Variants in WIF1 observed in about 807,000 individuals in gnomAD.
WIF1 encodes the protein Wnt inhibitory factor 1.
In WIF1, 35 loss-of-function variants were observed where a neutral mutation model predicts 53.5. That is an observed-to-expected ratio of 0.65 (90% CI 0.50 to 0.87). The LOEUF (loss-of-function observed/expected upper bound fraction) is 0.87, where lower values mean the gene tolerates loss of function less well. Among genes scored for constraint, WIF1 ranks in the 40% least tolerant of loss-of-function variants. The pLI is 0.00. For missense variants in WIF1, 467 were observed against 476.8 expected, an observed-to-expected ratio of 0.98 and a Z score of 0.19; for synonymous variants, 171 against 170.4, an observed-to-expected ratio of 1.00 and a Z score of -0.03.
Position 65,051,170 on chromosome 12 carries a change from A to C in WIF1, c.*179T>G. 2.9e-6 allele frequency: 2 copies of C among 691,560 alleles called. No homozygotes were observed. The highest frequency in any genetic ancestry group is 4.3e-6 in the Non-Finnish European group (2 of 461,654). 42.8% of individuals were successfully genotyped at this position (691,560 alleles called of 1,614,324 possible). On this transcript the variant is annotated 3_prime_UTR_variant, in exon 10 of 10. Coordinates refer to ENST00000286574, the MANE Select transcript of WIF1 (RefSeq NM_007191.5). ...AAGAAAATCTATACCATCATGCTAC[A>C]GACGTACTTAGAAAACTTAAAAGGA... is the stretch of plus-strand genomic sequence containing the variant.
intron 7 of WIF1, 77 bp downstream of exon 7, chr12:65,062,404 C>T (rs1055317224): frequency 6.3e-6 from 8 of 1,270,480 alleles, no homozygotes; most frequent in African/African-American, 1.5e-5. Context: ...TCCGACTCCT[C>T]CTTGATAAAA....
chr12:65,065,368 G>T (rs1044489507), intron 6 of WIF1, among the ~76,000 whole-genome samples: 19 of 152,042 alleles, frequency 1.2e-4, no homozygotes, highest in African/African-American at 4.6e-4. Context: ...TACAGTGCAG[G>T]ATATGAATTT....
intron 2 of WIF1, among the ~76,000 whole-genome samples, chr12:65,088,661 T>A (rs1047762114): frequency 6.6e-6 from 1 of 152,120 alleles, no homozygotes; most frequent in East Asian, 1.9e-4. Flanking sequence ...TTCTATGAAA[T>A]TTTTTAATGA....
At chr12:65,054,073 C>CTTTTTTTT (rs5798769) in intron 9 of WIF1, 5 of 96,688 alleles carry the variant, frequency 5.2e-5, no homozygotes, top group Admixed American at 1.3e-4. Context: ...TGTGAATTTG[C>CTTTTTTTT]TTTTTTTTTT....
chr12:65,083,779 TCCC>T (rs1351748986), intron 2 of WIF1: 1 of 309,900 alleles, frequency 3.2e-6, no homozygotes, highest in Non-Finnish European at 5.7e-6. Context: ...CTTTTCCCTT[TCCC>T]TTTCCTTTCC....
At chr12:65,081,286 G>A (rs965671720) in intron 2 of WIF1, among the ~76,000 whole-genome samples, 1 of 152,088 alleles carries the variant, frequency 6.6e-6, no homozygotes, top group South Asian at 2.1e-4. Context: ...ATGTCTCCTT[G>A]AAAGTGCAGC....
intron 2 of WIF1, among the ~76,000 whole-genome samples, chr12:65,116,497 T>C (rs1883512538): frequency 6.6e-6 from 1 of 151,944 alleles, no homozygotes; most frequent in African/African-American, 2.4e-5. Flanking sequence ...GAAAACAACC[T>C]CAGGGCTCCC....
intron 2 of WIF1, among the ~76,000 whole-genome samples, chr12:65,117,182 T>G (rs1883525580): frequency 6.6e-6 from 1 of 152,144 alleles, no homozygotes; most frequent in African/African-American, 2.4e-5. Flanking sequence ...GGACCTAAAT[T>G]TTTATTTATA....
rs973589148 is a variant in WIF1 at position 65,112,560 on chromosome 12, G to A, written c.288+7857C>T. Reference sequence around the variant, plus strand: ...GTTGCCGACCCAACACATACTCAACGATTTACTCAATACAAATTTGCAACA... The same window carrying A: ...GTTGCCGACCCAACACATACTCAACAATTTACTCAATACAAATTTGCAACA... On this transcript the variant is annotated intron_variant, in intron 2 of 9. Transcript: ENST00000286574. Among the ~76,000 whole-genome samples the A allele has an allele frequency of 2.0e-5, 3 of 151,936 alleles. No individual in the cohort carries two copies. In the East Asian group the frequency reaches 5.8e-4, roughly 29 times the overall value.
rs1027169162 is a variant in WIF1 at position 65,120,271 on chromosome 12, G to C, written c.288+146C>G. ...TTGATATGGCAACTTGAAATAAATG[G>C]AAATTAATTCTTTATTTGCTTTGGC... is the stretch of plus-strand genomic sequence containing the variant. On this transcript the variant is annotated intron_variant, in intron 2 of 9. Coordinates refer to ENST00000286574, the MANE Select transcript of WIF1 (RefSeq NM_007191.5). 81 of 855,332 alleles carry C rather than the reference G, an allele frequency of 9.5e-5. 1 individual carries two copies. Among genetic ancestry groups the C allele is most frequent in the Non-Finnish European group, 1.2e-4 (70 of 602,338 alleles). The allele number at this position is 855,332 out of a possible 1,614,324, so 53.0% of individuals were successfully genotyped here.
At chr12:65,065,888 G>A (rs750474507) in intron 6 of WIF1, among the ~76,000 whole-genome samples, 3 of 152,132 alleles carry the variant, frequency 2.0e-5, no homozygotes, top group Non-Finnish European at 4.4e-5. Context: ...CACTTACTAA[G>A]AGTAAAATCT....
chr12:65,051,461 G>A lies in WIF1; in HGVS notation c.1028C>T (p.Ala343Val). ...HGRHCNKRYEASLIHALRPAG... is the reference protein window; with the variant it reads ...HGRHCNKRYEVSLIHALRPAG... ...TGGCCTCAGGGCATGTATGAGGCTGGCTTCGTACCCTGCAAAATTATTCAC... is the reference window on the plus strand; with the variant it reads ...TGGCCTCAGGGCATGTATGAGGCTGACTTCGTACCCTGCAAAATTATTCAC... The change falls in exon 10 of 10, where the codon GCC becomes GTC. Residue 343 changes from alanine to valine, a missense_variant. Ala to Val is a moderately conservative substitution (Grantham distance 64). Coordinates refer to ENST00000286574, the MANE Select transcript of WIF1 (RefSeq NM_007191.5). 6.3e-7 allele frequency: 1 copy of A among 1,596,454 alleles called. No individual in the cohort carries two copies. Among genetic ancestry groups the A allele is most frequent in the Non-Finnish European group, 8.5e-7 (1 of 1,172,644 alleles).
At chr12:65,076,070 C>A (rs767518312) in intron 3 of WIF1, among the ~76,000 whole-genome samples, 5 of 151,756 alleles carry the variant, frequency 3.3e-5, no homozygotes, top group African/African-American at 4.8e-5. Context: ...TTCTTTTTTG[C>A]TCTGTTGCCC....
intron 2 of WIF1, among the ~76,000 whole-genome samples, chr12:65,098,581 C>T (rs754650946): frequency 3.3e-5 from 5 of 152,148 alleles, no homozygotes; most frequent in African/African-American, 4.8e-5. Context: ...AAATGGATCA[C>T]GGCCAGAACT....
intron 8 of WIF1, among the ~76,000 whole-genome samples, chr12:65,055,423 A>T (rs1042081331): frequency 6.6e-6 from 1 of 152,214 alleles, no homozygotes; most frequent in Non-Finnish European, 1.5e-5. Context: ...TTTCATTCGC[A>T]AAAGACATTC....
At chr12:65,102,199 T>C (rs1883291984) in intron 2 of WIF1, among the ~76,000 whole-genome samples, 1 of 152,184 alleles carries the variant, frequency 6.6e-6, no homozygotes, top group Non-Finnish European at 1.5e-5. Context: ...TAAGACAGAA[T>C]ACATGGTATA....
At position 65,062,529 on chromosome 12, in the gene WIF1, C is replaced by T. The variant is rs1409202444; in HGVS notation, c.778G>A (p.Gly260Arg). The change falls in exon 7 of 10, where the codon GGA becomes AGA. Residue 260 changes from glycine to arginine, a missense_variant. Physicochemically the swap from Gly to Arg is moderately radical, Grantham distance 125 (BLOSUM62 -2). Coordinates refer to ENST00000286574, the MANE Select transcript of WIF1 (RefSeq NM_007191.5). ...AGTCCTGGAGGGCAAATACATTTTC[C>T]AGGGTAGAAACAGGTCCCTCCATTA... ...CFNGGTCFYP[G>R]KCICPPGLEG... 6.2e-7 allele frequency: 1 copy of T among 1,608,826 alleles called. No individual in the cohort carries two copies.
rs139656393 is a variant in WIF1 at position 65,066,603 on chromosome 12, A to G, written c.730+38T>C. 1,585 of 1,541,026 alleles carry G rather than the reference A, an allele frequency of 1.0e-3. 1 individual carries two copies. Among genetic ancestry groups the G allele is most frequent in the Non-Finnish European group, 1.3e-3 (1,508 of 1,130,606 alleles). On this transcript the variant is annotated intron_variant, in intron 6 of 9. Coordinates refer to ENST00000286574, the MANE Select transcript of WIF1 (RefSeq NM_007191.5). ...AACTTATTCTAATCAAACATTTTAA[A>G]AGTAAAAATAACTTTCTTCTTAAAA... is the stretch of plus-strand genomic sequence containing the variant.
intron 3 of WIF1, among the ~76,000 whole-genome samples, chr12:65,074,057 A>C (rs374915865): frequency 6.6e-6 from 1 of 152,188 alleles, no homozygotes; most frequent in African/African-American, 2.4e-5. Flanking sequence ...AAAGAACGTA[A>C]ATTATTAGAA....
Sources: allele counts gnomAD v4.1 joint callset (sites outside exome capture counted in the v4.1 genomes callset), GRCh38; gene constraint gnomAD v4.1.1; transcripts MANE v1.5; gene names NCBI Gene and HGNC (gene_info 2026-07-23, HGNC 2026-07-21).